Variants in OTOGL observed in about 807,000 individuals in gnomAD.
OTOGL encodes the protein otogelin-like protein.
A neutral mutation model predicts 318.5 loss-of-function variants in OTOGL; 285 were observed. That is an observed-to-expected ratio of 0.89 (90% CI 0.81 to 0.99). OTOGL has a LOEUF of 0.99. Among genes scored for constraint, OTOGL ranks in the 50% least tolerant of loss-of-function variants. The probability of loss-of-function intolerance (pLI) is 0.00; values close to 1 mark genes in which losing one functional copy is unlikely to be tolerated. For missense variants in OTOGL, 2,899 were observed against 2,845.6 expected (o/e 1.02, Z -0.43); for synonymous variants, 987 against 936.5 (o/e 1.05, Z -0.99).
At chr12:80,341,826 TA>T in intron 43 of OTOGL, 121 bp from the exon 44 acceptor site, 1 of 699,888 alleles carries the variant, frequency 1.4e-6, no homozygotes, top group Non-Finnish European at 2.4e-6. Context: ...CAAGGATACA[TA>T]AACTTGGTAC....
At chr12:80,206,740 T>TA (rs1876840247) in intron 1 of OTOGL, among the ~76,000 whole-genome samples, 1 of 151,806 alleles carries the variant, frequency 6.6e-6, no homozygotes, top group Admixed American at 6.6e-5. Context: ...AGGCTAATCT[T>TA]AAACTTCTGA....
chr12:80,297,598 G>T (rs926338578), intron 27 of OTOGL, among the ~76,000 whole-genome samples: 1 of 152,156 alleles, frequency 6.6e-6, no homozygotes, highest in Non-Finnish European at 1.5e-5. Flanking sequence ...CTCCCAAAGT[G>T]CTGGGATTAC....
intron 38 of OTOGL, among the ~76,000 whole-genome samples, chr12:80,334,787 A>ATTTTT (rs1304035287): frequency 6.6e-6 from 1 of 152,136 alleles, no homozygotes. Flanking sequence ...CTTGTTAAAA[A>ATTTTT]GAGTTTCAGT....
At chr12:80,272,281 T>C (rs1883466632) in intron 24 of OTOGL, among the ~76,000 whole-genome samples, 1 of 151,912 alleles carries the variant, frequency 6.6e-6, no homozygotes, top group Non-Finnish European at 1.5e-5. Flanking sequence ...ATCCCAGCCC[T>C]GACACTGTTA....
intron 24 of OTOGL, among the ~76,000 whole-genome samples, chr12:80,276,338 A>G (rs973351833): frequency 6.6e-6 from 1 of 151,802 alleles, no homozygotes; most frequent in Non-Finnish European, 1.5e-5. Flanking sequence ...CTAGGATAAG[A>G]TCAGTTAGGG....
intron 4 of OTOGL, among the ~76,000 whole-genome samples, chr12:80,215,447 G>A (rs1012847911): frequency 4.6e-5 from 7 of 152,084 alleles, no homozygotes; most frequent in African/African-American, 1.4e-4. Context: ...GATTATAGGT[G>A]TGAGCCACCG....
chr12:80,149,127 G>A lies in OTOGL; in HGVS notation c.-20+49522G>A, dbSNP rs370466778. ...TGCGTTCCTTTGGAGGAGGAGAGGCGCTCTGCTTTTTAGAGTTTCCAGTTT... is the reference window on the plus strand; with the variant it reads ...TGCGTTCCTTTGGAGGAGGAGAGGCACTCTGCTTTTTAGAGTTTCCAGTTT... On this transcript the variant is annotated intron_variant, in intron 1 of 58. Coordinates refer to ENST00000547103, the MANE Select transcript of OTOGL (RefSeq NM_001378609.3). Among the ~76,000 whole-genome samples the A allele has an allele frequency of 7.7e-3, 1,168 of 152,258 alleles. 16 individuals are homozygous for A. The highest frequency in any genetic ancestry group is 0.023 in the African/African-American group (965 of 41,550).
intron 11 of OTOGL, among the ~76,000 whole-genome samples, chr12:80,248,425 G>A (rs1165734349): frequency 1.4e-5 from 2 of 143,712 alleles, no homozygotes; most frequent in African/African-American, 5.5e-5. Flanking sequence ...CACTTATGAA[G>A]CTTAGTTTGG....
At chr12:80,324,096 G>A (rs928591051) in intron 35 of OTOGL, among the ~76,000 whole-genome samples, 1 of 152,150 alleles carries the variant, frequency 6.6e-6, no homozygotes, top group Non-Finnish European at 1.5e-5. Context: ...CATATTGTTG[G>A]ATTGAGCAGA....
chr12:80,196,578 T>C (rs1876085175), intron 1 of OTOGL, among the ~76,000 whole-genome samples: 1 of 152,176 alleles, frequency 6.6e-6, no homozygotes, highest in African/African-American at 2.4e-5. Flanking sequence ...TTGTCTGTCT[T>C]AGGGAGACTG....
intron 44 of OTOGL, among the ~76,000 whole-genome samples, chr12:80,345,111 TA>T (rs55844509): frequency 0.25 from 1,267 of 5,036 alleles, 12 homozygotes; most frequent in Non-Finnish European, 0.37. Flanking sequence ...TATTATAATA[TA>T]TATTATTATG....
Position 80,303,719 on chromosome 12 carries a change from A to G in OTOGL, c.3213+936A>G, listed in dbSNP as rs190888295. Among the ~76,000 whole-genome samples the G allele has an allele frequency of 3.3e-5, 5 of 151,734 alleles. No homozygotes were observed. The East Asian group carries it at 7.7e-4, about 23-fold the overall frequency. On this transcript the variant is annotated intron_variant, in intron 28 of 58. Transcript: ENST00000547103. ...TGGAAAGACAGAAAGAATGAGGGGG[A>G]AATGCCACACTTTTTAACCATCAGG... is the stretch of plus-strand genomic sequence containing the variant.
At chr12:80,304,287 C>A (rs1885964229) in intron 28 of OTOGL, among the ~76,000 whole-genome samples, 1 of 151,776 alleles carries the variant, frequency 6.6e-6, no homozygotes, top group South Asian at 2.1e-4. Flanking sequence ...CTATTCCCTG[C>A]TAAATATTTT....
chr12:80,336,843 G>A, intron 41 of OTOGL, 23 bp downstream of exon 41: 1 of 1,536,872 alleles, frequency 6.5e-7, no homozygotes, highest in Non-Finnish European at 8.8e-7. Flanking sequence ...AAAGTGTTTA[G>A]TACATTCATT....
intron 1 of OTOGL, among the ~76,000 whole-genome samples, chr12:80,129,355 C>A (rs550553997): frequency 1.3e-5 from 2 of 152,228 alleles, no homozygotes; most frequent in East Asian, 3.9e-4. Context: ...AATACTTTGG[C>A]CTTTTTGTGT....
At chr12:80,191,913 T>A (rs1433999214) in intron 1 of OTOGL, among the ~76,000 whole-genome samples, 1 of 152,224 alleles carries the variant, frequency 6.6e-6, no homozygotes, top group Non-Finnish European at 1.5e-5. Context: ...TATTGAAATA[T>A]CACTTAGAAT....
At chr12:80,373,118 AT>A (rs1890981134) in intron 57 of OTOGL, among the ~76,000 whole-genome samples, 1 of 152,210 alleles carries the variant, frequency 6.6e-6, no homozygotes, top group African/African-American at 2.4e-5. Flanking sequence ...TAATTTTAAA[AT>A]TTAAAGAAGC....
At chr12:80,308,996 G>A (rs918131239) in intron 29 of OTOGL, among the ~76,000 whole-genome samples, 2 of 150,920 alleles carry the variant, frequency 1.3e-5, no homozygotes, top group Non-Finnish European at 3.0e-5. Context: ...GAGGGAGAGG[G>A]AGAGGGAGAG....
intron 1 of OTOGL, among the ~76,000 whole-genome samples, chr12:80,201,935 A>C (rs1466659326): frequency 6.6e-6 from 1 of 152,186 alleles, no homozygotes; most frequent in African/African-American, 2.4e-5. Context: ...ATCCAAAAGC[A>C]TTCCTGCCTG....
Sources: allele counts gnomAD v4.1 joint callset (sites outside exome capture counted in the v4.1 genomes callset), GRCh38; gene constraint gnomAD v4.1.1; transcripts MANE v1.5; gene names NCBI Gene and HGNC (gene_info 2026-07-23, HGNC 2026-07-21).